The following IRAG1 variants were observed in gnomAD, a reference collection of about 807,000 sequenced individuals.
IRAG1 encodes the protein inositol 1,4,5-triphosphate receptor associated 1, also known as IP3R-associated cGMP kinase substrate.
IRAG1 carries 62 observed loss-of-function variants against 106.2 expected under a neutral mutation model. The observed-to-expected ratio is 0.58, with a 90% CI of 0.48 to 0.72. The LOEUF is 0.72. Ranked by LOEUF, IRAG1 falls within the 30% of genes least tolerant of loss-of-function variation. The probability of loss-of-function intolerance (pLI) is 0.00; values close to 1 mark genes in which losing one functional copy is unlikely to be tolerated. For missense variants in IRAG1, 1,064 were observed against 1,140.7 expected (o/e 0.93, Z 0.97); for synonymous variants, 462 against 443.9 (o/e 1.04, Z -0.51).
chr11:10,628,130 G>A lies in IRAG1; in HGVS notation c.653-105C>T. ...GGGCTATCCTCCCTTTGCAATCTCA[G>A]GCCTGGAAGATTTGCTGACTACCTC... On this transcript the variant is annotated intron_variant, in intron 6 of 20. Transcript: ENST00000423302. The surrounding 1 kb of genome is among the most constrained non-coding windows in gnomAD (Gnocchi z 4.1). 7.8e-7 allele frequency: 1 copy of A among 1,290,124 alleles called. No homozygotes were observed. Among genetic ancestry groups the A allele is most frequent in the Non-Finnish European group, 1.1e-6 (1 of 905,606 alleles). 79.9% of individuals were successfully genotyped at this position (1,290,124 alleles called of 1,614,324 possible).
At chr11:10,683,138 G>C (rs1026059282) in intron 1 of IRAG1, among the ~76,000 whole-genome samples, 1 of 152,168 alleles carries the variant, frequency 6.6e-6, no homozygotes, top group Admixed American at 6.5e-5. Flanking sequence ...CAGTGGTGCT[G>C]GTTCATGTAT....
intron 15 of IRAG1, chr11:10,599,769 T>A (rs956833263): frequency 1.3e-5 from 2 of 152,266 alleles, no homozygotes; most frequent in Admixed American, 1.3e-4. Context: ...ACAGTGCCCA[T>A]GGAGAGATCT....
At chr11:10,590,260 T>C (rs897624624) in intron 18 of IRAG1, among the ~76,000 whole-genome samples, 2 of 152,154 alleles carry the variant, frequency 1.3e-5, no homozygotes, top group African/African-American at 4.8e-5. Flanking sequence ...ACAATTTCCC[T>C]GTAGTGATCA....
intron 10 of IRAG1, among the ~76,000 whole-genome samples, chr11:10,613,426 G>A (rs1393289315): frequency 5.3e-5 from 8 of 149,948 alleles, no homozygotes; most frequent in Admixed American, 5.2e-4. Context: ...CACACAAGCT[G>A]TCCTTCAAGA....
At chr11:10,691,182 C>T (rs965404091) in intron 1 of IRAG1, among the ~76,000 whole-genome samples, 2 of 152,176 alleles carry the variant, frequency 1.3e-5, no homozygotes, top group Non-Finnish European at 2.9e-5. Flanking sequence ...AAAATCAACC[C>T]AGGGCCCTGT....
chr11:10,670,751 TAAG>T (rs746820971), intron 1 of IRAG1, among the ~76,000 whole-genome samples: 1 of 152,132 alleles, frequency 6.6e-6, no homozygotes, highest in Non-Finnish European at 1.5e-5. Flanking sequence ...GGTGTCCTTA[TAAG>T]AAGAGGAAAT....
At chr11:10,586,081 C>T (rs1564891117) in intron 18 of IRAG1, 2 of 152,194 alleles carry the variant, frequency 1.3e-5, no homozygotes, top group Non-Finnish European at 2.9e-5. Context: ...CAGGCTGGAC[C>T]ATGGCTTCCA....
Position 10,580,553 on chromosome 11 carries a change from T to G in IRAG1, c.2397A>C (p.Gln799His). ...QEGLKKTKELQDLKEEEEEQK... is the reference protein window; with the variant it reads ...QEGLKKTKELHDLKEEEEEQK... ...GTTCTTCCTCCTCCTCCTTCAGGTC[T>G]TGAAGTTCTTTGGTCTTCTTTAGAC... The change falls in exon 20 of 21, where the codon CAA (glutamine) becomes CAC (histidine). Residue 799 changes from glutamine to histidine, a missense_variant. By Grantham distance (24) the Gln-to-His change is conservative (BLOSUM62 0). Transcript: ENST00000423302. 2 of 1,613,972 alleles carry G rather than the reference T, an allele frequency of 1.2e-6. No individual in the cohort carries two copies. Among genetic ancestry groups the G allele is most frequent in the Non-Finnish European group, 1.7e-6 (2 of 1,179,878 alleles).
chr11:10,616,174 G>A (rs1226469671), intron 10 of IRAG1, among the ~76,000 whole-genome samples: 3 of 151,212 alleles, frequency 2.0e-5, no homozygotes, highest in Non-Finnish European at 4.4e-5. Context: ...GCGTGGTGGC[G>A]AGCGCCTGTA....
rs951801507 is a variant in IRAG1 at position 10,576,374 on chromosome 11, C to T, written c.2697G>A (p.Trp899Ter). ...STCSAAQRDS[W>*]WSSGLQHEQP... ...GCTCATGCTGGAGTCCTGAGCTCCA[C>T]CAGGAGTCCCTCTGGGCTGCCGAGC... The change falls in exon 21 of 21, where the codon TGG (tryptophan) becomes TGA (stop). Residue 899 changes from tryptophan to a stop codon, truncating the protein, a stop_gained. Transcript: ENST00000423302. LOFTEE classifies it high-confidence loss of function. 1 of 1,613,808 alleles carries T rather than the reference C, an allele frequency of 6.2e-7. No homozygotes were observed. Among genetic ancestry groups the T allele is most frequent in the African/African-American group, 1.3e-5 (1 of 74,914 alleles).
At chr11:10,621,965 G>C (rs34988160) in intron 10 of IRAG1, among the ~76,000 whole-genome samples, 56,346 of 151,920 alleles carry the variant, frequency 0.37, 11,325 homozygotes, top group East Asian at 0.7. Context: ...GGAATAAAGA[G>C]TTATTGTTTT....
At chr11:10,607,567 C>A (rs1854578883) in intron 11 of IRAG1, among the ~76,000 whole-genome samples, 1 of 152,226 alleles carries the variant, frequency 6.6e-6, no homozygotes, top group African/African-American at 2.4e-5. Context: ...CATCTGAAGT[C>A]CACACAATGT....
intron 13 of IRAG1, 95 bp from the exon 14 acceptor site, chr11:10,603,346 G>A: frequency 6.9e-7 from 1 of 1,447,552 alleles, no homozygotes. Flanking sequence ...GACTGGTTTG[G>A]AAGACAATTT....
chr11:10,644,491 G>A (rs1857784707), intron 2 of IRAG1, among the ~76,000 whole-genome samples: 1 of 152,196 alleles, frequency 6.6e-6, no homozygotes, highest in Non-Finnish European at 1.5e-5. Context: ...TCCTCGATGG[G>A]AGCATCCAAG....
At chr11:10,584,547 A>AAATATAT (rs1851732758) in intron 18 of IRAG1, among the ~76,000 whole-genome samples, 3 of 85,134 alleles carry the variant, frequency 3.5e-5, no homozygotes, top group Non-Finnish European at 6.6e-5. Context: ...TTCTTTCATG[A>AAATATAT]AATATATATA....
intron 1 of IRAG1, chr11:10,690,118 C>T (rs190769283): frequency 8.4e-5 from 17 of 201,896 alleles, no homozygotes; most frequent in African/African-American, 2.6e-4. Flanking sequence ...TGGCCGGGTG[C>T]GATGGCTCAC....
intron 2 of IRAG1, among the ~76,000 whole-genome samples, chr11:10,639,258 C>G (rs969405595): frequency 6.6e-6 from 1 of 152,104 alleles, no homozygotes; most frequent in Non-Finnish European, 1.5e-5. Context: ...ATCTACTTCT[C>G]AAAGCAACTT....
rs528809188 is a variant in IRAG1 at position 10,599,280 on chromosome 11, T to A, written c.2017+1638A>T. On this transcript the variant is annotated intron_variant, in intron 15 of 20. Coordinates refer to ENST00000423302, the MANE Select transcript of IRAG1 (RefSeq NM_130385.4). ...CCTTTACCTCTATATTCCAGTATTA[T>A]ATAGGGCAAACCAAAGGTACTCAAT... 9.2e-5 allele frequency among the ~76,000 whole-genome samples: 14 copies of A among 152,312 alleles called. No homozygotes were observed. In the South Asian group the frequency reaches 2.7e-3, roughly 29 times the overall value.
At chr11:10,581,754 G>T in intron 19 of IRAG1, 113 bp downstream of exon 19, 1 of 1,311,236 alleles carries the variant, frequency 7.6e-7, no homozygotes. Context: ...TGGCAAGGAG[G>T]TCCTGCGGCC....
Sources: gnomAD v4.1 joint callset for allele counts (sites outside exome capture counted in the v4.1 genomes callset) on GRCh38, gnomAD v4.1.1 for gene constraint, Gnocchi (gnomAD v3.1) non-coding constraint, MANE v1.5 for transcripts, NCBI Gene and HGNC (gene_info 2026-07-23, HGNC 2026-07-21) for gene names.